The following COL6A5 variants were observed in gnomAD, a reference collection of about 807,000 sequenced individuals.
COL6A5 encodes the protein collagen alpha-5(VI) chain.
A neutral mutation model predicts 65.6 loss-of-function variants in COL6A5; 48 were observed. The ratio of observed to expected loss-of-function variants is 0.73; its 90% CI spans 0.58 to 0.93. The LOEUF is 0.93. Among genes scored for constraint, COL6A5 ranks in the 40% least tolerant of loss-of-function variants. COL6A5 has a pLI of 0.00. For synonymous variants in COL6A5, 291 were observed against 322.8 expected (o/e 0.90, Z 1.05); for missense variants, 914 against 928.3 (o/e 0.98, Z 0.20).
At chr3:130,461,595 TG>T (rs1285726591) in intron 5 of COL6A5, among the ~76,000 whole-genome samples, 1 of 151,992 alleles carries the variant, frequency 6.6e-6, no homozygotes, top group African/African-American at 2.4e-5. Flanking sequence ...CTTTTAACAA[TG>T]TATGCCATGT....
chr3:130,380,121 G>A, intron 4 of COL6A5, 71 bp downstream of exon 4: 1 of 1,127,758 alleles, frequency 8.9e-7, no homozygotes, highest in Non-Finnish European at 1.2e-6. Flanking sequence ...GGGTGGGAGT[G>A]AGGATCAACT....
chr3:130,482,094 G>T lies in COL6A5; in HGVS notation c.2329-1941G>T, dbSNP rs183328697. 7.9e-3 allele frequency among the ~76,000 whole-genome samples: 1,206 copies of T among 152,170 alleles called. 16 individuals carry two copies. The highest frequency in any genetic ancestry group is 0.027 in the African/African-American group (1,137 of 41,522). On this transcript the variant is annotated intron_variant, in intron 7 of 7. Coordinates refer to ENST00000512836, the Ensembl canonical transcript of COL6A5. ...TTTGGCTTTTGTTGCAATTGCTTTTGGTGTTTTAGTCATGAAGTCTTTGCC... is the reference window on the plus strand; with the variant it reads ...TTTGGCTTTTGTTGCAATTGCTTTTTGTGTTTTAGTCATGAAGTCTTTGCC...
chr3:130,425,355 G>A (rs1486683783), intron 29 of COL6A5, among the ~76,000 whole-genome samples: 1 of 152,114 alleles, frequency 6.6e-6, no homozygotes, highest in Non-Finnish European at 1.5e-5. Flanking sequence ...TTCTTATGCC[G>A]ACATCCCTGG....
At chr3:130,447,217 T>G (rs932937326) in intron 4 of COL6A5, among the ~76,000 whole-genome samples, 3 of 152,150 alleles carry the variant, frequency 2.0e-5, no homozygotes, top group Non-Finnish European at 2.9e-5. Context: ...TTCCCCTGTT[T>G]GGCAAGTAGC....
chr3:130,391,670 A>G (rs1259940507), exon 7 of COL6A5: 7 of 1,551,556 alleles, frequency 4.5e-6, no homozygotes, highest in Non-Finnish European at 6.1e-6. Context: ...GAATAAAAAC[A>G]ATACTATCTA....
At chr3:130,484,011 A>C (rs1284102802) in intron 7 of COL6A5, 24 bp from the exon 41 acceptor site, 1 of 1,602,828 alleles carries the variant, frequency 6.2e-7, no homozygotes, top group Admixed American at 1.7e-5. Flanking sequence ...CATTAAAAGC[A>C]GTGAATATTG....
At chr3:130,393,082 G>T (rs866634034) in intron 7 of COL6A5, among the ~76,000 whole-genome samples, 3,758 of 136,438 alleles carry the variant, frequency 0.028, 69 homozygotes, top group Middle Eastern at 0.037. Flanking sequence ...TTTTTTGTGT[G>T]TGTGTGTGTG....
At chr3:130,427,782 A>C (rs1290145152), upstream of COL6A5, among the ~76,000 whole-genome samples, 1 of 151,982 alleles carries the variant, frequency 6.6e-6, no homozygotes, top group Non-Finnish European at 1.5e-5. Flanking sequence ...GGGCCAAGGT[A>C]CAGAAAAATG....
At chr3:130,406,901 G>A (rs970982175) in intron 17 of COL6A5, among the ~76,000 whole-genome samples, 8 of 152,138 alleles carry the variant, frequency 5.3e-5, no homozygotes, top group Admixed American at 2.6e-4. Flanking sequence ...CATTGGCCAG[G>A]CATATATTCT....
chr3:130,421,159 T>C (rs1322124261), exon 26 of COL6A5: 11 of 1,550,622 alleles, frequency 7.1e-6, no homozygotes, highest in Non-Finnish European at 9.6e-6. Flanking sequence ...ACAGGGAGAT[T>C]CTGGCATCCC....
chr3:130,403,802 T>C (rs1163029481), intron 13 of COL6A5, 140 bp downstream of exon 13: 2 of 531,956 alleles, frequency 3.8e-6, no homozygotes, highest in African/African-American at 1.9e-5. Context: ...GTTTTGTTTA[T>C]ATGTTTATTT....
chr3:130,394,916 AT>A (rs1475025965), exon 8 of COL6A5: 1 of 1,551,026 alleles, frequency 6.4e-7, no homozygotes, highest in Non-Finnish European at 8.7e-7. Context: ...AGCTGACGTG[AT>A]TTTCCTTTGC....
At chr3:130,473,190 A>T (rs1253882158) in intron 7 of COL6A5, among the ~76,000 whole-genome samples, 1 of 152,012 alleles carries the variant, frequency 6.6e-6, no homozygotes, top group Admixed American at 6.6e-5. Context: ...TACAACTGAA[A>T]ATTCTGGATG....
chr3:130,476,457 A>G (rs1005204179), intron 7 of COL6A5, among the ~76,000 whole-genome samples: 1 of 152,126 alleles, frequency 6.6e-6, no homozygotes, highest in African/African-American at 2.4e-5. Flanking sequence ...AACCCTGTAA[A>G]TTGGTGATTC....
intron 13 of COL6A5, 71 bp downstream of exon 13, chr3:130,403,733 A>C: frequency 9.1e-7 from 1 of 1,101,532 alleles, no homozygotes; most frequent in Non-Finnish European, 1.2e-6. Flanking sequence ...ACACACAAAC[A>C]CACACTTATT....
intron 7 of COL6A5, among the ~76,000 whole-genome samples, chr3:130,393,996 A>T (rs545478092): frequency 1.4e-5 from 2 of 138,926 alleles, no homozygotes; most frequent in Admixed American, 7.5e-5. Context: ...TGTGTCTGCC[A>T]CACTACCCTT....
At chr3:130,391,112 C>T (rs908497178) in intron 6 of COL6A5, 67 bp from the exon 7 acceptor site, 3 of 1,156,828 alleles carry the variant, frequency 2.6e-6, no homozygotes, top group Non-Finnish European at 2.5e-6. Flanking sequence ...AGTTCGCTTC[C>T]CTTCTCAGCA....
Position 130,439,630 on chromosome 3 carries a change from G to C in COL6A5, c.581+15G>C. The C allele has an allele frequency of 6.5e-7, 1 of 1,531,672 alleles. No homozygotes were observed. The highest frequency in any genetic ancestry group is 8.9e-7 in the Non-Finnish European group (1 of 1,129,106). 94.9% of individuals were successfully genotyped at this position (1,531,672 alleles called of 1,614,324 possible). A position where few individuals can be genotyped will look rare whatever the true frequency, so the allele number is the denominator to read the frequency against. ...ACTTTGCTATGGTAAGACCAATGAA[G>C]AGAATTGACTGTGCTGAAGAGCTTA... On this transcript the variant is annotated intron_variant, in intron 2 of 7. Transcript: ENST00000512836.
intron 24 of COL6A5, among the ~76,000 whole-genome samples, chr3:130,417,027 G>A (rs1271067971): frequency 1.3e-5 from 2 of 151,552 alleles, no homozygotes; most frequent in Non-Finnish European, 2.9e-5. Context: ...TCAACCCATC[G>A]TCTAGGTTTT....
Sources: gnomAD v4.1 joint callset for allele counts (sites outside exome capture counted in the v4.1 genomes callset) on GRCh38, gnomAD v4.1.1 for gene constraint, MANE v1.5 for transcripts, NCBI Gene and HGNC (gene_info 2026-07-23, HGNC 2026-07-21) for gene names.